Variants in ZNF85 observed in about 807,000 individuals in gnomAD.
ZNF85 encodes zinc finger protein 85.
ZNF85 carries 50 observed loss-of-function variants against 53.9 expected under a neutral mutation model. That is an observed-to-expected ratio of 0.93 (90% CI 0.74 to 1.17). The LOEUF (loss-of-function observed/expected upper bound fraction) is 1.17, where lower values mean the gene tolerates loss of function less well. Ranked by LOEUF, ZNF85 falls within the 50% of genes most tolerant of loss-of-function variation. ZNF85 has a pLI of 0.00. For synonymous variants in ZNF85, 225 were observed against 226.1 expected (o/e 1.00, Z 0.04); for missense variants, 747 against 688.5 (o/e 1.08, Z -0.95).
chr19:20,934,044 T>A lies in ZNF85; in HGVS notation c.24T>A (p.Asp8Glu). 2 of 1,611,996 alleles carry A rather than the reference T, an allele frequency of 1.2e-6. No individual in the cohort carries two copies. Among genetic ancestry groups the A allele is most frequent in the Middle Eastern group, 1.7e-4 (1 of 6,050 alleles). The change falls in exon 2 of 4, where the codon GAT (aspartate) becomes GAA (glutamate). Residue 8 changes from aspartate to glutamate, a missense_variant. Coordinates refer to ENST00000328178, the MANE Select transcript of ZNF85 (RefSeq NM_003429.5). MGPLTFR[D>E]VAIEFSLKEW... Reference sequence around the variant, plus strand: ...TTCAGGGACCATTGACATTTAGGGATGTGGCCATAGAATTCTCTCTGAAGG... The same window carrying A: ...TTCAGGGACCATTGACATTTAGGGAAGTGGCCATAGAATTCTCTCTGAAGG...
At chr19:20,942,761 A>G (rs1451743891) in intron 3 of ZNF85, 4 of 690,074 alleles carry the variant, frequency 5.8e-6, no homozygotes, top group African/African-American at 1.8e-5. Flanking sequence ...TTGTCTGCTT[A>G]AATTTATTTG....
intron 1 of ZNF85, chr19:20,926,724 C>CA (rs1031325240): frequency 1.3e-5 from 2 of 152,176 alleles, no homozygotes; most frequent in African/African-American, 4.8e-5. Flanking sequence ...GCTGGGGCCC[C>CA]ACAGGCAGAT....
At position 20,944,136 on chromosome 19, in the gene ZNF85, G is replaced by A. The variant is rs143618165; in HGVS notation, c.230-4608G>A. 9.5e-3 allele frequency: 1,558 copies of A among 164,558 alleles called. 20 individuals carry two copies. Among genetic ancestry groups the A allele is most frequent in the African/African-American group, 0.036 (1,495 of 41,618 alleles). 10.2% of individuals were successfully genotyped at this position (164,558 alleles called of 1,614,324 possible). A position where few individuals can be genotyped will look rare whatever the true frequency, so the allele number is the denominator to read the frequency against. On this transcript the variant is annotated intron_variant, in intron 3 of 3. Transcript: ENST00000328178. ...TTATTTTGATAATAAATAATTTTATGTGTTGATATATTTAATAGTTTTTTA... is the reference window on the plus strand; with the variant it reads ...TTATTTTGATAATAAATAATTTTATATGTTGATATATTTAATAGTTTTTTA...
At chr19:20,939,031 C>T (rs1277785196) in intron 3 of ZNF85, among the ~76,000 whole-genome samples, 1 of 152,070 alleles carries the variant, frequency 6.6e-6, no homozygotes, top group Non-Finnish European at 1.5e-5. Flanking sequence ...AAAAGTTTCT[C>T]ATTACAATAT....
intron 3 of ZNF85, among the ~76,000 whole-genome samples, chr19:20,937,985 T>C (rs1459845976): frequency 6.6e-6 from 1 of 152,194 alleles, no homozygotes; most frequent in Non-Finnish European, 1.5e-5. Flanking sequence ...TCTTGGGCTT[T>C]AGCAGTTTCA....
Position 20,949,760 on chromosome 19 carries a change from C to T in ZNF85, c.1246C>T (p.His416Tyr), listed in dbSNP as rs568924406. Residue 416 changes from histidine (H) to tyrosine (Y), a missense_variant, in exon 4 of 4, where the codon CAT (histidine) becomes TAT (tyrosine). Transcript: ENST00000328178. ...AFKHSSTLTK[H>Y]KIIHTGEKPY... The stretch of plus-strand genomic sequence containing the variant: ...TAAACACTCTTCAACCCTTACTAAA[C>T]ATAAGATAATTCATACTGGAGAGAA... The T allele has an allele frequency of 3.7e-6, 6 of 1,611,812 alleles. No homozygotes were observed. In the East Asian group the frequency reaches 1.3e-4, roughly 36 times the overall value.
chr19:20,924,394 A>C (rs2144592285), intron 1 of ZNF85, among the ~76,000 whole-genome samples: 3 of 152,332 alleles, frequency 2.0e-5, no homozygotes, highest in Middle Eastern at 6.8e-3. Flanking sequence ...ATTTACTAAA[A>C]AATGAAATTT....
At chr19:20,934,913 G>A (rs771839260) in intron 2 of ZNF85, 36 bp from the exon 3 acceptor site, 8 of 1,472,478 alleles carry the variant, frequency 5.4e-6, no homozygotes, top group East Asian at 2.5e-5. Context: ...TAGAGAATAT[G>A]AGCAAGATTT....
chr19:20,937,200 T>G, intron 3 of ZNF85: 1 of 384,312 alleles, frequency 2.6e-6, no homozygotes, highest in East Asian at 7.5e-5. Context: ...TCTGGCCAAT[T>G]TTTTGTATTT....
At chr19:20,947,185 G>T (rs766738334) in intron 3 of ZNF85, among the ~76,000 whole-genome samples, 1 of 151,758 alleles carries the variant, frequency 6.6e-6, no homozygotes, top group African/African-American at 2.4e-5. Flanking sequence ...AACTTTAGTT[G>T]TATACAAAAA....
At chr19:20,941,913 G>A (rs1020907400) in intron 3 of ZNF85, among the ~76,000 whole-genome samples, 1 of 151,694 alleles carries the variant, frequency 6.6e-6, no homozygotes, top group African/African-American at 2.4e-5. Context: ...TTTATATCTG[G>A]GCATTTTATT....
intron 3 of ZNF85, among the ~76,000 whole-genome samples, chr19:20,938,870 GTGTGTGTATA>G (rs1973224600): frequency 1.5e-5 from 2 of 135,104 alleles, no homozygotes; most frequent in Admixed American, 7.1e-5. Flanking sequence ...GTGTGTGTGT[GTGTGTGTATA>G]TATATGTGTG....
In ZNF85 at chr19:20,941,553, G is replaced by A. The variant is rs150535069; in HGVS notation, c.229+6506G>A. On this transcript the variant is annotated intron_variant, in intron 3 of 3. Coordinates refer to ENST00000328178, the MANE Select transcript of ZNF85 (RefSeq NM_003429.5). ...GCTGGGATTACAGGCATGAGCCACC[G>A]TGCCTGGCCACATTTCCTTTCAAAT... 1.3e-3 allele frequency among the ~76,000 whole-genome samples: 194 copies of A among 151,548 alleles called. 1 individual carries two copies. The highest frequency in any genetic ancestry group is 0.01 in the Middle Eastern group (3 of 292).
chr19:20,932,556 T>C (rs2144618219), intron 1 of ZNF85, among the ~76,000 whole-genome samples: 2 of 152,252 alleles, frequency 1.3e-5, no homozygotes, highest in South Asian at 4.1e-4. Flanking sequence ...GGGGGAAAGC[T>C]GGAGTCATTT....
At chr19:20,941,442 T>C (rs1973293279) in intron 3 of ZNF85, among the ~76,000 whole-genome samples, 1 of 152,138 alleles carries the variant, frequency 6.6e-6, no homozygotes, top group African/African-American at 2.4e-5. Flanking sequence ...TTTATATTTT[T>C]AGTAGAGACG....
rs267605382 is a variant in ZNF85, at chr19:20,950,276, C to T, written c.1762C>T (p.His588Tyr). Residue 588 changes from histidine (H) to tyrosine (Y), a missense_variant, in exon 4 of 4, where the codon CAT becomes TAT. By Grantham distance (83) the His-to-Tyr change is moderately conservative. Coordinates refer to ENST00000328178, the MANE Select transcript of ZNF85 (RefSeq NM_003429.5). ...AGTCCTTACTAAACATAAGATAATTCATACCGGAGAAAAATTACAAATATG... is the reference window on the plus strand; with the variant it reads ...AGTCCTTACTAAACATAAGATAATTTATACCGGAGAAAAATTACAAATATG... Reference protein sequence around the residue: ...SSVLTKHKIIHTGEKLQI With the variant: ...SSVLTKHKIIYTGEKLQI The T allele has an allele frequency of 6.5e-7, 1 of 1,537,870 alleles. No individual in the cohort carries two copies. Among genetic ancestry groups the T allele is most frequent in the Non-Finnish European group, 8.7e-7 (1 of 1,147,214 alleles).
At chr19:20,930,120 CAAAAAAAAA>C (rs57832039) in intron 1 of ZNF85, among the ~76,000 whole-genome samples, 3 of 79,262 alleles carry the variant, frequency 3.8e-5, no homozygotes, top group Admixed American at 1.9e-4. Flanking sequence ...GACTCCGTCC[CAAAAAAAAA>C]AAAAAAAAAA....
chr19:20,930,255 C>G (rs1269589926), intron 1 of ZNF85, among the ~76,000 whole-genome samples: 1 of 151,272 alleles, frequency 6.6e-6, no homozygotes, highest in Non-Finnish European at 1.5e-5. Context: ...ATTTTAGGGT[C>G]TTAATTTTTA....
intron 3 of ZNF85, among the ~76,000 whole-genome samples, chr19:20,935,778 A>T (rs1296628881): frequency 2.6e-5 from 4 of 151,684 alleles, no homozygotes; most frequent in Non-Finnish European, 5.9e-5. Context: ...TCAAACTCCC[A>T]ACCTCAGGTG....
Sources: allele counts gnomAD v4.1 joint callset (sites outside exome capture counted in the v4.1 genomes callset), GRCh38; gene constraint gnomAD v4.1.1; transcripts MANE v1.5; gene names NCBI Gene and HGNC (gene_info 2026-07-23, HGNC 2026-07-21).